The following IGSF21 variants were observed in gnomAD, a reference collection of about 807,000 sequenced individuals.
IGSF21 encodes immunoglobulin superfamily member 21.
IGSF21 carries 28 observed loss-of-function variants against 46.8 expected under a neutral mutation model. That is an observed-to-expected ratio of 0.60 (90% confidence interval 0.44 to 0.82). IGSF21 has a LOEUF of 0.82. Ranked by LOEUF, IGSF21 falls within the 40% of genes least tolerant of loss-of-function variation. The pLI is 0.00. For synonymous variants in IGSF21, 284 were observed against 273.6 expected (o/e 1.04, Z -0.38); for missense variants, 624 against 665.5 (o/e 0.94, Z 0.69).
At chr1:18,326,034 G>A (rs111308218) in intron 3 of IGSF21, among the ~76,000 whole-genome samples, 4,870 of 144,532 alleles carry the variant, frequency 0.034, 150 homozygotes, top group African/African-American at 0.087. Context: ...CCTCTTCCCC[G>A]CCCATGCCCC....
At chr1:18,118,636 T>C (rs1392667579) in intron 1 of IGSF21, among the ~76,000 whole-genome samples, 1 of 152,140 alleles carries the variant, frequency 6.6e-6, no homozygotes, top group Non-Finnish European at 1.5e-5. Flanking sequence ...AAGACTTCTT[T>C]GTTTCCGTCT....
At chr1:18,131,446 TA>T (rs1341090768) in intron 1 of IGSF21, among the ~76,000 whole-genome samples, 1 of 152,214 alleles carries the variant, frequency 6.6e-6, no homozygotes, top group Non-Finnish European at 1.5e-5. Flanking sequence ...CTGGGCAAGT[TA>T]CTTCACATCT....
Position 18,185,146 on chromosome 1 carries a change from A to G in IGSF21, c.71-42752A>G, listed in dbSNP as rs1040038597. Among the ~76,000 whole-genome samples the G allele has an allele frequency of 2.0e-5, 3 of 152,286 alleles. No individual in the cohort carries two copies. The Middle Eastern group carries it at 0.01, about 518-fold the overall frequency. ...GCCCAAGTTATAGAGATGGGATTAG[A>G]ACCCCTCTCTTAATGTAGGTCCAAC... On this transcript the variant is annotated intron_variant, in intron 1 of 9. Coordinates refer to ENST00000251296, the MANE Select transcript of IGSF21 (RefSeq NM_032880.5).
chr1:18,356,906 T>A (rs2086024465), intron 4 of IGSF21, among the ~76,000 whole-genome samples: 1 of 148,400 alleles, frequency 6.7e-6, no homozygotes, highest in Non-Finnish European at 1.5e-5. Flanking sequence ...GAGACAGAAA[T>A]GAGGAGAGAA....
chr1:18,349,909 T>G (rs540980442), intron 4 of IGSF21, among the ~76,000 whole-genome samples: 1 of 144,004 alleles, frequency 6.9e-6, no homozygotes, highest in Admixed American at 6.9e-5. Flanking sequence ...AAAAAACCAC[T>G]AAATTACAAA....
intron 2 of IGSF21, among the ~76,000 whole-genome samples, chr1:18,286,107 C>T (rs1424752049): frequency 6.6e-6 from 1 of 152,196 alleles, no homozygotes; most frequent in Non-Finnish European, 1.5e-5. Flanking sequence ...TGTGTGACCC[C>T]AAAAGCCTCT....
At chr1:18,202,011 G>C (rs2087080303) in intron 1 of IGSF21, among the ~76,000 whole-genome samples, 1 of 152,156 alleles carries the variant, frequency 6.6e-6, no homozygotes, top group African/African-American at 2.4e-5. Context: ...GTTTTGTTCA[G>C]GAGAGCACCA....
At chr1:18,129,776 G>A (rs2086301893) in intron 1 of IGSF21, among the ~76,000 whole-genome samples, 1 of 152,294 alleles carries the variant, frequency 6.6e-6, no homozygotes. Flanking sequence ...TGCCATTGTA[G>A]CAGTATTAAA....
intron 2 of IGSF21, among the ~76,000 whole-genome samples, chr1:18,235,926 A>G (rs1162455287): frequency 6.6e-6 from 1 of 152,070 alleles, no homozygotes; most frequent in Admixed American, 6.5e-5. Flanking sequence ...AGATGATGGA[A>G]GGGAAAAATG....
At chr1:18,199,873 A>T (rs570346189) in intron 1 of IGSF21, among the ~76,000 whole-genome samples, 8 of 151,936 alleles carry the variant, frequency 5.3e-5, no homozygotes, top group Admixed American at 2.6e-4. Context: ...GGGGGCTCAC[A>T]CTAGGGAAGC....
At chr1:18,172,055 C>A (rs776402606) in intron 1 of IGSF21, among the ~76,000 whole-genome samples, 5 of 152,188 alleles carry the variant, frequency 3.3e-5, no homozygotes, top group Non-Finnish European at 5.9e-5. Flanking sequence ...CAGCAGCCAC[C>A]TTGCAGCCAT....
At chr1:18,187,220 CAGAGAGAG>C (rs10557379) in intron 1 of IGSF21, among the ~76,000 whole-genome samples, 2 of 150,380 alleles carry the variant, frequency 1.3e-5, no homozygotes, top group Non-Finnish European at 3.0e-5. Context: ...GAGAGAGATA[CAGAGAGAG>C]AGAGAGAGAG....
chr1:18,161,811 A>C (rs2086627566), intron 1 of IGSF21, among the ~76,000 whole-genome samples: 1 of 152,120 alleles, frequency 6.6e-6, no homozygotes, highest in African/African-American at 2.4e-5. Context: ...GGTGGAGCAA[A>C]GGCACAGAGG....
chr1:18,157,849 T>C (rs1407173749), intron 1 of IGSF21, among the ~76,000 whole-genome samples: 2 of 152,110 alleles, frequency 1.3e-5, no homozygotes, highest in Non-Finnish European at 2.9e-5. Context: ...TCCATCTGAC[T>C]CAGGGCTCCC....
intron 1 of IGSF21, among the ~76,000 whole-genome samples, chr1:18,182,331 C>T (rs1184786825): frequency 6.6e-6 from 1 of 152,060 alleles, no homozygotes; most frequent in Non-Finnish European, 1.5e-5. Context: ...TGCATGCCAC[C>T]ACATCCGGCT....
chr1:18,278,164 T>A, intron 2 of IGSF21, among the ~76,000 whole-genome samples: 1 of 151,826 alleles, frequency 6.6e-6, no homozygotes, highest in Non-Finnish European at 1.5e-5. Context: ...GAGGGATGAA[T>A]GGAGGGTGGG....
chr1:18,145,210 A>AGG (rs11450077), intron 1 of IGSF21, among the ~76,000 whole-genome samples: 1 of 151,442 alleles, frequency 6.6e-6, no homozygotes. Context: ...AATATTTTTT[A>AGG]AAAAGTTATC....
Position 18,335,140 on chromosome 1 carries a change from C to A in IGSF21, c.424+130C>A. On this transcript the variant is annotated intron_variant, in intron 4 of 9. Transcript: ENST00000251296. This position sits in a 1 kb window ranked among gnomAD's most constrained non-coding sequence, Gnocchi z 4.8. ...AAGTTCTGTTGTGCTGGTGTCTTCCCTTTCCTGCTCTTGTTGTGGAGGGGC... is the reference window on the plus strand; with the variant it reads ...AAGTTCTGTTGTGCTGGTGTCTTCCATTTCCTGCTCTTGTTGTGGAGGGGC... 1.4e-6 allele frequency: 1 copy of A among 707,862 alleles called. No homozygotes were observed. The highest frequency in any genetic ancestry group is 2.2e-5 in the Admixed American group (1 of 45,486). The allele number at this position is 707,862 out of a possible 1,614,324, so 43.8% of individuals were successfully genotyped here.
rs761463932 is a variant in IGSF21, at chr1:18,335,025, A to C, written c.424+15A>C. 1 of 1,585,438 alleles carries C rather than the reference A, an allele frequency of 6.3e-7. No individual in the cohort carries two copies. The highest frequency in any genetic ancestry group is 1.7e-5 in the Admixed American group (1 of 59,980). ...CAACGTCATGGGTGAGTGCAGGGCC[A>C]CTGGCCCCTGGTGTCTCAGTGAGGA... On this transcript the variant is annotated intron_variant, in intron 4 of 9. Transcript: ENST00000251296. This position sits in a 1 kb window ranked among gnomAD's most constrained non-coding sequence, Gnocchi z 4.8.
Sources: allele counts gnomAD v4.1 joint callset (sites outside exome capture counted in the v4.1 genomes callset), GRCh38; gene constraint gnomAD v4.1.1; non-coding constraint Gnocchi (gnomAD v3.1); transcripts MANE v1.5; gene names NCBI Gene and HGNC (gene_info 2026-07-23, HGNC 2026-07-21).